ANKS1A: variants seen among roughly 807,000 people sequenced by gnomAD.
ANKS1A encodes ankyrin repeat and SAM domain-containing protein 1A.
Under a neutral mutation model 120.3 loss-of-function variants are expected in ANKS1A, and 55 were observed. The ratio of observed to expected loss-of-function variants is 0.46; its 90% CI spans 0.37 to 0.57. ANKS1A has a LOEUF of 0.57. ANKS1A is among the 20% of genes least tolerant of loss of function. The probability of loss-of-function intolerance (pLI) is 0.00; values close to 1 mark genes in which losing one functional copy is unlikely to be tolerated. For missense variants in ANKS1A, 1,123 were observed against 1,480.3 expected, an observed-to-expected ratio of 0.76 and a Z score of 3.96; for synonymous variants, 590 against 604.7, an observed-to-expected ratio of 0.98 and a Z score of 0.36.
At chr6:34,993,378 G>A (rs1244005912) in intron 9 of ANKS1A, among the ~76,000 whole-genome samples, 1 of 152,130 alleles carries the variant, frequency 6.6e-6, no homozygotes, top group Non-Finnish European at 1.5e-5. Context: ...GCCCTCAGCT[G>A]GTCAAAGCCT....
At chr6:35,076,863 C>A (rs945414765) in intron 13 of ANKS1A, among the ~76,000 whole-genome samples, 3 of 152,096 alleles carry the variant, frequency 2.0e-5, no homozygotes, top group Non-Finnish European at 4.4e-5. Context: ...CTCCTGACTT[C>A]AGGTGATCCA....
chr6:34,950,179 TAAAAC>T (rs1418064323), intron 1 of ANKS1A, among the ~76,000 whole-genome samples: 1 of 150,594 alleles, frequency 6.6e-6, no homozygotes, highest in East Asian at 2.0e-4. Flanking sequence ...CCCTGTCTCT[TAAAAC>T]AAACAAAAAA....
intron 1 of ANKS1A, among the ~76,000 whole-genome samples, chr6:34,898,475 T>C (rs1320744107): frequency 6.6e-6 from 1 of 152,206 alleles, no homozygotes; most frequent in African/African-American, 2.4e-5. Context: ...GGGATAAATA[T>C]GAAGCCGCTT....
At position 34,953,034 on chromosome 6, in the gene ANKS1A, C is replaced by T. The variant is rs573556361; in HGVS notation, c.198-14205C>T. On this transcript the variant is annotated intron_variant, in intron 1 of 23. Transcript: ENST00000360359. ...CCTAAGTTCTTATAAGTAGTTTCTGCCACTTAAAAACAATAATTTTGACAC... is the reference window on the plus strand; with the variant it reads ...CCTAAGTTCTTATAAGTAGTTTCTGTCACTTAAAAACAATAATTTTGACAC... Among the ~76,000 whole-genome samples, 16 of 152,242 alleles carry T rather than the reference C, an allele frequency of 1.1e-4. No individual in the cohort carries two copies. In the East Asian group the frequency reaches 1.7e-3, roughly 17 times the overall value.
chr6:35,001,707 C>G (rs1452362829), intron 10 of ANKS1A, among the ~76,000 whole-genome samples: 1 of 152,186 alleles, frequency 6.6e-6, no homozygotes, highest in Non-Finnish European at 1.5e-5. Context: ...TGTTCATCCC[C>G]GAGCGGATGT....
At chr6:34,917,854 C>G (rs1768240891) in intron 1 of ANKS1A, among the ~76,000 whole-genome samples, 1 of 152,188 alleles carries the variant, frequency 6.6e-6, no homozygotes, top group Non-Finnish European at 1.5e-5. Flanking sequence ...TGATAAGCAG[C>G]TTCCAGAACT....
downstream of ANKS1A, among the ~76,000 whole-genome samples, chr6:35,092,549 AGGC>A (rs1778341162): frequency 6.6e-6 from 1 of 152,076 alleles, no homozygotes; most frequent in Admixed American, 6.6e-5. Flanking sequence ...CCAGTGGGGG[AGGC>A]CTCACATTCC....
chr6:35,030,821 C>T (rs1004872407), intron 11 of ANKS1A, among the ~76,000 whole-genome samples: 1 of 152,310 alleles, frequency 6.6e-6, no homozygotes, highest in Non-Finnish European at 1.5e-5. Context: ...CGTTTCCTTG[C>T]CAGGCAGGCA....
chr6:35,069,788 A>G (rs914599578), intron 13 of ANKS1A, among the ~76,000 whole-genome samples: 2 of 151,760 alleles, frequency 1.3e-5, no homozygotes, highest in African/African-American at 4.8e-5. Context: ...GCACTTTGGG[A>G]GGCCGAGGTG....
chr6:34,930,485 G>C (rs1403209034), intron 1 of ANKS1A, among the ~76,000 whole-genome samples: 1 of 152,182 alleles, frequency 6.6e-6, no homozygotes, highest in African/African-American at 2.4e-5. Context: ...ACCTGGGCAA[G>C]CTGTTTTATT....
At chr6:34,938,920 G>A (rs1034966484) in intron 1 of ANKS1A, among the ~76,000 whole-genome samples, 3 of 152,214 alleles carry the variant, frequency 2.0e-5, no homozygotes, top group Non-Finnish European at 2.9e-5. Context: ...CCCGGGAGGT[G>A]GAGGTTACAG....
intron 11 of ANKS1A, chr6:35,038,341 C>G (rs1052202555): frequency 1.3e-5 from 6 of 456,594 alleles, no homozygotes; most frequent in Non-Finnish European, 2.6e-5. Context: ...CTGAGATAGT[C>G]CTCAATACAG....
intron 1 of ANKS1A, among the ~76,000 whole-genome samples, chr6:34,919,253 G>A (rs1354765541): frequency 6.6e-6 from 1 of 152,154 alleles, no homozygotes; most frequent in African/African-American, 2.4e-5. Context: ...CCTTGTGAAG[G>A]TTCCCCCAGG....
intron 12 of ANKS1A, among the ~76,000 whole-genome samples, chr6:35,059,545 G>T (rs1159529747): frequency 6.6e-6 from 1 of 152,200 alleles, no homozygotes; most frequent in Non-Finnish European, 1.5e-5. Context: ...GTGAACAGCC[G>T]CCGCTGCTGC....
In ANKS1A at chr6:35,086,376, C is replaced by A; in HGVS notation, c.3303+440C>A. The A allele has an allele frequency of 7.7e-7, 1 of 1,294,342 alleles. No homozygotes were observed. Among genetic ancestry groups the A allele is most frequent in the Non-Finnish European group, 1.0e-6 (1 of 991,920 alleles). The allele number at this position is 1,294,342 out of a possible 1,614,324, so 80.2% of individuals were successfully genotyped here. A position where few individuals can be genotyped will look rare whatever the true frequency, so the allele number is the denominator to read the frequency against. On this transcript the variant is annotated intron_variant, in intron 22 of 23. Transcript: ENST00000360359. The surrounding 1 kb of genome is among the most constrained non-coding windows in gnomAD (Gnocchi z 5.1). The stretch of plus-strand genomic sequence containing the variant: ...GTTAGTCCTGGAGTCAAGGTCTTTA[C>A]GCCTCCTGCTGTCTTGTGTGTCAGT...
At chr6:34,940,159 G>A (rs1769455067) in intron 1 of ANKS1A, among the ~76,000 whole-genome samples, 3 of 152,200 alleles carry the variant, frequency 2.0e-5, no homozygotes, top group African/African-American at 4.8e-5. Context: ...TTGTGTCTCC[G>A]AAGTTGAGAT....
At chr6:34,954,716 C>T (rs912067301) in intron 1 of ANKS1A, among the ~76,000 whole-genome samples, 7 of 152,222 alleles carry the variant, frequency 4.6e-5, no homozygotes, top group Non-Finnish European at 8.8e-5. Context: ...TGACAAGGTC[C>T]TGCCCACCTG....
chr6:34,902,240 T>C (rs1157603517), intron 1 of ANKS1A, among the ~76,000 whole-genome samples: 1 of 152,052 alleles, frequency 6.6e-6, no homozygotes, highest in East Asian at 1.9e-4. Flanking sequence ...TAAGTTTTTC[T>C]TTTTTGTTTC....
At chr6:34,984,248 T>C (rs1357259856) in intron 7 of ANKS1A, among the ~76,000 whole-genome samples, 1 of 152,232 alleles carries the variant, frequency 6.6e-6, no homozygotes, top group Non-Finnish European at 1.5e-5. Flanking sequence ...AGCAGCCTTT[T>C]GGGTCCTTGA....
Sources: gnomAD v4.1 joint callset for allele counts (sites outside exome capture counted in the v4.1 genomes callset) on GRCh38, gnomAD v4.1.1 for gene constraint, Gnocchi (gnomAD v3.1) non-coding constraint, MANE v1.5 for transcripts, NCBI Gene and HGNC (gene_info 2026-07-23, HGNC 2026-07-21) for gene names.